The following ATP2A3 variants were observed in gnomAD, a reference collection of about 807,000 sequenced individuals.
The protein encoded by ATP2A3 is ATPase sarcoplasmic/endoplasmic reticulum Ca2+ transporting 3.
Under a neutral mutation model 106.8 loss-of-function variants are expected in ATP2A3, and 61 were observed. The ratio of observed to expected loss-of-function variants is 0.57; its 90% confidence interval spans 0.46 to 0.71. ATP2A3 has a LOEUF of 0.71. ATP2A3 is among the 30% of genes least tolerant of loss of function. ATP2A3 has a pLI of 0.00. For synonymous variants in ATP2A3, 611 were observed against 609.3 expected (o/e 1.00, Z -0.04); for missense variants, 1,201 against 1,423.5 (o/e 0.84, Z 2.52).
In ATP2A3 at chr17:3,956,434, T is replaced by C. The variant is rs2054786264; in HGVS notation, c.119-2724A>G. Among the ~76,000 whole-genome samples, 3 of 152,346 alleles carry C rather than the reference T, an allele frequency of 2.0e-5. No individual in the cohort carries two copies. The South Asian group carries it at 6.2e-4, about 32-fold the overall frequency. Reference sequence around the variant, plus strand: ...GACTTTCTAGGAGGTCACTGTCCAGTAGAATGTTCTGTGAGAGCAGAAGTA... The same window carrying C: ...GACTTTCTAGGAGGTCACTGTCCAGCAGAATGTTCTGTGAGAGCAGAAGTA... On this transcript the variant is annotated intron_variant, in intron 1 of 20. Transcript: ENST00000397041.
chr17:3,952,671 C>G (rs1183904447), intron 3 of ATP2A3, among the ~76,000 whole-genome samples: 1 of 152,172 alleles, frequency 6.6e-6, no homozygotes, highest in Non-Finnish European at 1.5e-5. Flanking sequence ...CTCACTGCAG[C>G]TCCATCCTCC....
At position 3,947,085 on chromosome 17, in the gene ATP2A3, C is replaced by G. The variant is rs1339376088; in HGVS notation, c.1095+306G>C. 6.6e-6 allele frequency among the ~76,000 whole-genome samples: 1 copy of G among 152,250 alleles called. No homozygotes were observed. Among genetic ancestry groups the G allele is most frequent in the Admixed American group, 6.5e-5 (1 of 15,288 alleles). On this transcript the variant is annotated intron_variant, in intron 8 of 20. Coordinates refer to ENST00000397041, the MANE Select transcript of ATP2A3 (RefSeq NM_005173.4). This position sits in a 1 kb window ranked among gnomAD's most constrained non-coding sequence, Gnocchi z 7.7. ...GCTGAACTTGAGCCTCTCCTATGTC[C>G]TTTACGTTTACCTAGCAGGGCTCAC...
In ATP2A3 at chr17:3,947,307, T is replaced by G; in HGVS notation, c.1095+84A>C. 1.3e-5 allele frequency: 19 copies of G among 1,512,840 alleles called. No individual in the cohort carries two copies. The highest frequency in any genetic ancestry group is 1.6e-5 in the Non-Finnish European group (18 of 1,096,370). 93.7% of individuals were successfully genotyped at this position (1,512,840 alleles called of 1,614,324 possible). A position where few individuals can be genotyped will look rare whatever the true frequency, so the allele number is the denominator to read the frequency against. ...ACAGATTCTCTCCTCCATCCCTCACTGAAAAGGAGGTGGGGGAGAGACCCA... is the reference window on the plus strand; with the variant it reads ...ACAGATTCTCTCCTCCATCCCTCACGGAAAAGGAGGTGGGGGAGAGACCCA... On this transcript the variant is annotated intron_variant, in intron 8 of 20. Transcript: ENST00000397041. The surrounding 1 kb of genome is among the most constrained non-coding windows in gnomAD (Gnocchi z 7.7).
chr17:3,940,843 A>T, intron 14 of ATP2A3, 128 bp downstream of exon 14: 1 of 1,217,416 alleles, frequency 8.2e-7, no homozygotes, highest in African/African-American at 1.5e-5. Flanking sequence ...TTTGTATTTG[A>T]ATTTTTTGGT....
chr17:3,952,260 A>G (rs1170964032), intron 3 of ATP2A3, among the ~76,000 whole-genome samples: 1 of 151,920 alleles, frequency 6.6e-6, no homozygotes, highest in Non-Finnish European at 1.5e-5. Context: ...AATTTTTCGT[A>G]TTTTAGTAGA....
intron 20 of ATP2A3, chr17:3,927,207 C>A (rs1006302394): frequency 3.7e-5 from 36 of 985,336 alleles, no homozygotes; most frequent in Non-Finnish European, 4.2e-5. Context: ...CCCTCCCGCT[C>A]TTTAGGCCTG....
intron 5 of ATP2A3, 43 bp downstream of exon 5, chr17:3,951,208 T>TAAATAAAATA: frequency 8.0e-7 from 1 of 1,249,148 alleles, no homozygotes; most frequent in Non-Finnish European, 1.0e-6. Flanking sequence ...AATAAATAAA[T>TAAATAAAATA]AAATAAAATA....
In ATP2A3 at chr17:3,947,526, T is replaced by C; in HGVS notation, c.960A>G (p.Ala320=). Residue 320 remains alanine (A), a synonymous_variant, in exon 8 of 21, where the codon GCA becomes GCG. Coordinates refer to ENST00000397041, the MANE Select transcript of ATP2A3 (RefSeq NM_005173.4). This position sits in a 1 kb window ranked among gnomAD's most constrained non-coding sequence, Gnocchi z 7.7. ...TGCGTGCCATGCGCCGCGTGCCCAG[T>C]GCCAGGCATGTAGTGATGACAGCCG... is the stretch of plus-strand genomic sequence containing the variant. The part of the protein sequence containing the change: ...GLPAVITTCL[A]LGTRRMARKN... 1 of 1,613,350 alleles carries C rather than the reference T, an allele frequency of 6.2e-7. No individual in the cohort carries two copies.
chr17:3,927,467 G>A (rs576162156), intron 20 of ATP2A3: 1 of 984,526 alleles, frequency 1.0e-6, no homozygotes, highest in African/African-American at 1.7e-5. Flanking sequence ...CGGCCCAGAG[G>A]CCTGGCTGTG....
Position 3,947,811 on chromosome 17 carries a change from G to C in ATP2A3, c.675C>G (p.Ala225=). 6.3e-7 allele frequency: 1 copy of C among 1,599,684 alleles called. No homozygotes were observed. The highest frequency in any genetic ancestry group is 1.1e-5 in the South Asian group (1 of 91,084). The change falls in exon 8 of 21, where the codon GCC becomes GCG. Residue 225 remains alanine, a synonymous_variant. Transcript: ENST00000397041. This position sits in a 1 kb window ranked among gnomAD's most constrained non-coding sequence, Gnocchi z 7.7. The part of the protein sequence containing the change: ...TSGKAVGVAV[A]TGLHTELGKI... ...TGCCCAGCTCCGTGTGCAGGCCGGT[G>C]GCCACGGCCACACCCACCGCTTTGC...
Position 3,950,563 on chromosome 17 carries a change from G to C in ATP2A3, c.578C>G (p.Ala193Gly). 1 of 1,614,166 alleles carries C rather than the reference G, an allele frequency of 6.2e-7. No individual in the cohort carries two copies. The highest frequency in any genetic ancestry group is 8.5e-7 in the Non-Finnish European group (1 of 1,180,042). ...ESVSVTKHTE[A>G]IPDPRAVNQD... The stretch of plus-strand genomic sequence containing the variant: ...GTTCACAGCTCTGGGGTCTGGGATG[G>C]CCTCTGTGTGCTTGGTCACGGACAC... The change falls in exon 7 of 21, where the codon GCC becomes GGC. Residue 193 changes from alanine (A) to glycine (G), a missense_variant. Physicochemically the swap from Ala to Gly is moderately conservative, Grantham distance 60 (BLOSUM62 0). Coordinates refer to ENST00000397041, the MANE Select transcript of ATP2A3 (RefSeq NM_005173.4).
intron 1 of ATP2A3, among the ~76,000 whole-genome samples, chr17:3,959,391 T>C (rs2055009565): frequency 6.6e-6 from 1 of 152,178 alleles, no homozygotes; most frequent in Non-Finnish European, 1.5e-5. Context: ...GGGGCGGGGC[T>C]GAGTCATCCC....
intron 10 of ATP2A3, among the ~76,000 whole-genome samples, chr17:3,944,074 C>A (rs1301681960): frequency 2.0e-5 from 3 of 152,194 alleles, no homozygotes; most frequent in Non-Finnish European, 2.9e-5. Context: ...CTTCTCCCCT[C>A]TCCCCAAGGC....
At position 3,941,416 on chromosome 17, in the gene ATP2A3, G is replaced by GA; in HGVS notation, c.1764+19dup. On this transcript the variant is annotated intron_variant, in intron 13 of 20. Coordinates refer to ENST00000397041, the MANE Select transcript of ATP2A3 (RefSeq NM_005173.4). ...CTGCACCCACCTCGTACTGCAGGGA[G>GA]AATCGGCTCCTGCACCCACCTCGTA... 2 of 1,613,708 alleles carry GA rather than the reference G, an allele frequency of 1.2e-6. No individual in the cohort carries two copies. Among genetic ancestry groups the GA allele is most frequent in the Non-Finnish European group, 1.7e-6 (2 of 1,179,834 alleles).
Position 3,947,974 on chromosome 17 carries a change from T to C in ATP2A3, c.631-119A>G. ...TTCTACCCGGCTTTCCTTTTCTCCA[T>C]GTTGCTAGTGCTTCCAGACTCCTGT... On this transcript the variant is annotated intron_variant, in intron 7 of 20. Coordinates refer to ENST00000397041, the MANE Select transcript of ATP2A3 (RefSeq NM_005173.4). This position sits in a 1 kb window ranked among gnomAD's most constrained non-coding sequence, Gnocchi z 7.7. The C allele has an allele frequency of 1.0e-6, 1 of 990,362 alleles. No individual in the cohort carries two copies. The highest frequency in any genetic ancestry group is 1.4e-5 in the South Asian group (1 of 69,192). The allele number at this position is 990,362 out of a possible 1,614,324, so 61.3% of individuals were successfully genotyped here. A position where few individuals can be genotyped will look rare whatever the true frequency, so the allele number is the denominator to read the frequency against.
At chr17:3,946,322 C>T (rs888273156) in intron 8 of ATP2A3, among the ~76,000 whole-genome samples, 5 of 151,596 alleles carry the variant, frequency 3.3e-5, no homozygotes, top group East Asian at 1.9e-4. Flanking sequence ...GAGGCCAAGG[C>T]GGGTGGATCA....
rs781490869 is a variant in ATP2A3 at position 3,951,650 on chromosome 17, C to T, written c.255G>A (p.Thr85=). The part of the protein sequence containing the change: ...LAWFEEGEET[T]TAFVEPLVIM... ...TGACCAGGGGCTCCACGAAGGCGGTCGTGGTCTCCTCGCCCTCCTCGAACC... is the reference window on the plus strand; with the variant it reads ...TGACCAGGGGCTCCACGAAGGCGGTTGTGGTCTCCTCGCCCTCCTCGAACC... Residue 85 remains threonine (T), a synonymous_variant, in exon 4 of 21, where the codon ACG becomes ACA. Coordinates refer to ENST00000397041, the MANE Select transcript of ATP2A3 (RefSeq NM_005173.4). 6.3e-6 allele frequency: 10 copies of T among 1,593,248 alleles called. No individual in the cohort carries two copies. Among genetic ancestry groups the T allele is most frequent in the Admixed American group, 1.7e-5 (1 of 59,126 alleles).
chr17:3,951,546 G>GGCC, intron 4 of ATP2A3, 35 bp downstream of exon 4: 4 of 1,319,570 alleles, frequency 3.0e-6, no homozygotes, highest in Non-Finnish European at 4.2e-6. Flanking sequence ...CTGGGAGACC[G>GGCC]CCCCCCGCCC....
chr17:3,933,679 T>A (rs12935907), intron 17 of ATP2A3, among the ~76,000 whole-genome samples: 1 of 150,940 alleles, frequency 6.6e-6, no homozygotes, highest in South Asian at 2.1e-4. Context: ...GAGGTTGCAG[T>A]GAGCCAAGAT....
Sources: allele counts gnomAD v4.1 joint callset (sites outside exome capture counted in the v4.1 genomes callset), GRCh38; gene constraint gnomAD v4.1.1; non-coding constraint Gnocchi (gnomAD v3.1); transcripts MANE v1.5; gene names NCBI Gene and HGNC (gene_info 2026-07-23, HGNC 2026-07-21).